The following STX12 variants were observed in gnomAD, a reference collection of about 807,000 sequenced individuals.
STX12 encodes syntaxin 12, also known as syntaxin-12.
Under a neutral mutation model 42.2 loss-of-function variants are expected in STX12, and 17 were observed. The observed-to-expected ratio is 0.40, with a 90% CI of 0.28 to 0.60. The LOEUF is 0.60. Ranked by LOEUF, STX12 falls within the 20% of genes least tolerant of loss-of-function variation. The pLI is 0.39. For missense variants in STX12, 297 were observed against 330.9 expected (o/e 0.90, Z 0.79); for synonymous variants, 108 against 116.7 (o/e 0.93, Z 0.48).
At position 27,810,260 on chromosome 1, in the gene STX12, A is replaced by C. The variant is rs368249119; in HGVS notation, c.441A>C (p.Gln147His). The C allele has an allele frequency of 2.2e-5, 36 of 1,613,604 alleles. No homozygotes were observed. The highest frequency in any genetic ancestry group is 2.8e-5 in the Non-Finnish European group (33 of 1,179,756). Residue 147 changes from glutamine to histidine, a missense_variant, in exon 5 of 9, where the codon CAA (glutamine) becomes CAC (histidine). Transcript: ENST00000373943. ...AGSRLSAEER[Q>H]REEQLVSFDS... The stretch of plus-strand genomic sequence containing the variant: ...CTACTTTCTAGGCAGAAGAGAGGCA[A>C]AGAGAGGAGCAGCTGGTCTCATTTG...
chr1:27,799,043 G>T (rs1263599609), intron 3 of STX12, among the ~76,000 whole-genome samples: 1 of 151,836 alleles, frequency 6.6e-6, no homozygotes, highest in Non-Finnish European at 1.5e-5. Context: ...TAATATTTTT[G>T]CACGGTAAGG....
chr1:27,773,425 A>G lies in STX12; in HGVS notation c.118A>G (p.Thr40Ala). ...SGNIQRISQATAQIKNLMSQL... is the reference protein window; with the variant it reads ...SGNIQRISQAAAQIKNLMSQL... ...CAACATCCAGCGGATCAGCCAAGCC[A>G]GTGAGCCGGGGTACCGAGCTGGGGG... Residue 40 changes from threonine (T) to alanine (A), a missense_variant and splice_region_variant, in exon 1 of 9, where the codon ACT becomes GCT. By Grantham distance (58) the Thr-to-Ala change is moderately conservative. Transcript: ENST00000373943. 1.2e-6 allele frequency: 2 copies of G among 1,613,472 alleles called. No individual in the cohort carries two copies. The highest frequency in any genetic ancestry group is 1.1e-5 in the South Asian group (1 of 91,078).
chr1:27,779,806 A>G lies in STX12; in HGVS notation c.118+6381A>G, dbSNP rs544107631. Among the ~76,000 whole-genome samples the G allele has an allele frequency of 4.0e-5, 6 of 149,956 alleles. No homozygotes were observed. The East Asian group carries it at 1.2e-3, about 30-fold the overall frequency. On this transcript the variant is annotated intron_variant, in intron 1 of 8. Coordinates refer to ENST00000373943, the MANE Select transcript of STX12 (RefSeq NM_177424.3). ...TGGTTCCTCCTTTTTTTTTTTAGAG[A>G]AAGAGAGTTTCGCTGTTGTTAACAG... is the stretch of plus-strand genomic sequence containing the variant.
At chr1:27,786,796 T>C (rs1249895341) in intron 1 of STX12, among the ~76,000 whole-genome samples, 1 of 152,238 alleles carries the variant, frequency 6.6e-6, no homozygotes, top group Non-Finnish European at 1.5e-5. Context: ...TAGTACCTCA[T>C]AGTAGATGCT....
chr1:27,778,512 G>A lies in STX12; in HGVS notation c.118+5087G>A, dbSNP rs149976232. On this transcript the variant is annotated intron_variant, in intron 1 of 8. Coordinates refer to ENST00000373943, the MANE Select transcript of STX12 (RefSeq NM_177424.3). ...TCGAGACCAGCCTGGCCAACATGGC[G>A]AAACCCTGCCTCTACTAAAAATCAA... Among the ~76,000 whole-genome samples the A allele has an allele frequency of 5.7e-3, 870 of 152,176 alleles. 7 individuals carry two copies. In the Middle Eastern group the frequency reaches 0.061, roughly 11 times the overall value.
At chr1:27,794,963 T>A (rs558338407) in intron 3 of STX12, among the ~76,000 whole-genome samples, 1 of 152,296 alleles carries the variant, frequency 6.6e-6, no homozygotes, top group Non-Finnish European at 1.5e-5. Context: ...GCTCAAGTGA[T>A]CCTCCTTTCT....
chr1:27,779,155 CTG>C (rs1426065368), intron 1 of STX12, among the ~76,000 whole-genome samples: 2 of 152,168 alleles, frequency 1.3e-5, no homozygotes, highest in African/African-American at 4.8e-5. Context: ...AGCTCAACAT[CTG>C]TATTTCAACA....
chr1:27,799,877 A>T (rs1317394160), intron 3 of STX12, among the ~76,000 whole-genome samples: 1 of 152,146 alleles, frequency 6.6e-6, no homozygotes, highest in Non-Finnish European at 1.5e-5. Flanking sequence ...TCAGCCTCTC[A>T]AGTAGCTGGG....
At chr1:27,812,786 C>T (rs2088913066) in intron 6 of STX12, among the ~76,000 whole-genome samples, 1 of 152,174 alleles carries the variant, frequency 6.6e-6, no homozygotes, top group Non-Finnish European at 1.5e-5. Flanking sequence ...CAGGAGTACT[C>T]AAATCCTTTC....
intron 4 of STX12, among the ~76,000 whole-genome samples, chr1:27,806,838 A>C (rs1239148862): frequency 2.0e-5 from 3 of 152,192 alleles, no homozygotes; most frequent in African/African-American, 7.2e-5. Context: ...CATGTCTTAC[A>C]TGGTGGCAGG....
intron 4 of STX12, among the ~76,000 whole-genome samples, chr1:27,807,836 TATC>T (rs1449986106): frequency 6.6e-6 from 1 of 152,226 alleles, no homozygotes; most frequent in Non-Finnish European, 1.5e-5. Flanking sequence ...TATACTATAA[TATC>T]ATACAGCAAA....
At position 27,814,109 on chromosome 1, in the gene STX12, C is replaced by T. The variant is rs536653302; in HGVS notation, c.576+1841C>T. Among the ~76,000 whole-genome samples the T allele has an allele frequency of 7.9e-5, 12 of 152,282 alleles. No individual in the cohort carries two copies. In the East Asian group the frequency reaches 1.9e-3, roughly 24 times the overall value. ...AGAGACGAGGTTTTGCCATTTTGGCCAGGCTGGTCTTGTCTGTTTTTAGAT... is the reference window on the plus strand; with the variant it reads ...AGAGACGAGGTTTTGCCATTTTGGCTAGGCTGGTCTTGTCTGTTTTTAGAT... On this transcript the variant is annotated intron_variant, in intron 6 of 8. Transcript: ENST00000373943.
chr1:27,795,601 TG>T lies in STX12; in HGVS notation c.288+1971del, dbSNP rs572984024. Among the ~76,000 whole-genome samples the T allele has an allele frequency of 2.9e-3, 448 of 152,200 alleles. 4 individuals carry two copies. Among genetic ancestry groups the T allele is most frequent in the African/African-American group, 0.01 (421 of 41,542 alleles). ...GATTACAGGCCTGAGCCACCACACC[TG>T]GCCCATGTTGTCAAATTCTTATTGT... On this transcript the variant is annotated intron_variant, in intron 3 of 8. Coordinates refer to ENST00000373943, the MANE Select transcript of STX12 (RefSeq NM_177424.3).
At chr1:27,816,989 A>G (rs115287861) in intron 6 of STX12, among the ~76,000 whole-genome samples, 2,164 of 139,680 alleles carry the variant, frequency 0.015, 47 homozygotes, top group African/African-American at 0.053. Context: ...AAAGGAAGGA[A>G]GGGGAGGGAG....
chr1:27,780,965 A>T lies in STX12; in HGVS notation c.118+7540A>T, dbSNP rs528012327. On this transcript the variant is annotated intron_variant, in intron 1 of 8. Coordinates refer to ENST00000373943, the MANE Select transcript of STX12 (RefSeq NM_177424.3). ...CAGAGTGAGACCCTGTCTCAAAAAA[A>T]AAAAGGGGGGATGTTTGAAAGTGTC... Among the ~76,000 whole-genome samples, 19 of 152,208 alleles carry T rather than the reference A, an allele frequency of 1.2e-4. No individual in the cohort carries two copies. In the East Asian group the frequency reaches 3.7e-3, roughly 29 times the overall value.
rs1273649692 is a variant in STX12, at chr1:27,812,263, C to T, written c.571C>T (p.Leu191=). 1.9e-6 allele frequency: 3 copies of T among 1,554,686 alleles called. No individual in the cohort carries two copies. In the Admixed American group the frequency reaches 5.8e-5, roughly 30 times the overall value. Residue 191 remains leucine, a synonymous_variant, in exon 6 of 9, where the codon CTG becomes TTG. Transcript: ENST00000373943. ...AGAAAGAGAAACGGCAATTCGGCAGCTGGAGGTGAGAGCCACGTCATGTTT... is the reference window on the plus strand; with the variant it reads ...AGAAAGAGAAACGGCAATTCGGCAGTTGGAGGTGAGAGCCACGTCATGTTT... ...IKERETAIRQ[L]EADILDVNQI...
chr1:27,779,808 A>G (rs1176634120), intron 1 of STX12, among the ~76,000 whole-genome samples: 5 of 151,314 alleles, frequency 3.3e-5, no homozygotes, highest in Non-Finnish European at 7.4e-5. Context: ...TTTTAGAGAA[A>G]GAGAGTTTCG....
intron 6 of STX12, 96 bp downstream of exon 6, chr1:27,812,364 C>A: frequency 1.1e-6 from 1 of 881,952 alleles, no homozygotes; most frequent in Non-Finnish European, 1.8e-6. Flanking sequence ...TATGAAAAGG[C>A]ATAAAATGTG....
chr1:27,800,583 A>G (rs1477085899), intron 3 of STX12, among the ~76,000 whole-genome samples: 1 of 151,750 alleles, frequency 6.6e-6, no homozygotes, highest in African/African-American at 2.4e-5. Context: ...AGGCTGGAGT[A>G]CATGGCATGA....
Sources: allele counts gnomAD v4.1 joint callset (sites outside exome capture counted in the v4.1 genomes callset), GRCh38; gene constraint gnomAD v4.1.1; transcripts MANE v1.5; gene names NCBI Gene and HGNC (gene_info 2026-07-23, HGNC 2026-07-21).